RBFOX1: variants seen among roughly 807,000 people sequenced by gnomAD.
RBFOX1 encodes RNA binding fox-1 homolog 1, also known as RNA binding protein fox-1 homolog 1.
RBFOX1 carries 8 observed loss-of-function variants against 57.7 expected under a neutral mutation model. That is an observed-to-expected ratio of 0.14 (90% confidence interval 0.08 to 0.25). The LOEUF is 0.25. Among genes scored for constraint, RBFOX1 ranks in the 10% least tolerant of loss-of-function variants. The pLI is 1.00. For synonymous variants in RBFOX1, 326 were observed against 222.4 expected, an observed-to-expected ratio of 1.47 and a Z score of -4.15; for missense variants, 611 against 548.5, an observed-to-expected ratio of 1.11 and a Z score of -1.14.
chr16:6,144,884 T>C (rs1394254867), intron 1 of RBFOX1, among the ~76,000 whole-genome samples: 1 of 152,226 alleles, frequency 6.6e-6, no homozygotes, highest in Non-Finnish European at 1.5e-5. Flanking sequence ...CAGAATAGTT[T>C]GTCCACCTGT....
chr16:7,307,897 A>T (rs2096228931), intron 4 of RBFOX1, among the ~76,000 whole-genome samples: 1 of 152,212 alleles, frequency 6.6e-6, no homozygotes, highest in Non-Finnish European at 1.5e-5. Flanking sequence ...GAGTGGCTTC[A>T]TGCTGTGTCT....
At chr16:7,657,262 C>G (rs980027561) in intron 12 of RBFOX1, among the ~76,000 whole-genome samples, 7 of 152,152 alleles carry the variant, frequency 4.6e-5, no homozygotes, top group African/African-American at 1.7e-4. Context: ...GATAGTCACA[C>G]CAGTAGAGTC....
At chr16:5,572,511 A>G (rs1480869586) in intron 2 of RBFOX1, among the ~76,000 whole-genome samples, 2 of 152,188 alleles carry the variant, frequency 1.3e-5, no homozygotes, top group East Asian at 1.9e-4. Context: ...CACTGGATAC[A>G]TGGCAGCATC....
At chr16:7,620,150 T>C (rs1162498565) in intron 10 of RBFOX1, among the ~76,000 whole-genome samples, 1 of 152,254 alleles carries the variant, frequency 6.6e-6, no homozygotes, top group Non-Finnish European at 1.5e-5. Flanking sequence ...CAGAGCATCA[T>C]TGTTTTAGAT....
chr16:6,516,534 G>A (rs2096381837), intron 2 of RBFOX1, among the ~76,000 whole-genome samples: 2 of 152,096 alleles, frequency 1.3e-5, no homozygotes, highest in South Asian at 2.1e-4. Context: ...CAAACATAAG[G>A]CTTGTTAATT....
At chr16:6,964,773 C>G (rs146862895) in intron 3 of RBFOX1, among the ~76,000 whole-genome samples, 180 of 152,272 alleles carry the variant, frequency 1.2e-3, no homozygotes, top group African/African-American at 4.1e-3. Flanking sequence ...TTAAGAACTT[C>G]TCAGCAGGGC....
At chr16:6,933,310 G>T (rs971669927) in intron 3 of RBFOX1, among the ~76,000 whole-genome samples, 6 of 152,148 alleles carry the variant, frequency 3.9e-5, no homozygotes, top group Non-Finnish European at 5.9e-5. Flanking sequence ...TTTAGTAACC[G>T]ACATACTCTT....
intron 4 of RBFOX1, among the ~76,000 whole-genome samples, chr16:7,078,028 C>G (rs2058576040): frequency 6.6e-6 from 1 of 152,182 alleles, no homozygotes. Context: ...TCCATCACTG[C>G]TAAGACAGAC....
chr16:5,664,126 T>C (rs968842863), intron 3 of RBFOX1, among the ~76,000 whole-genome samples: 1 of 152,236 alleles, frequency 6.6e-6, no homozygotes, highest in African/African-American at 2.4e-5. Context: ...AGCTGCTGTG[T>C]CTGCTTCATC....
intron 3 of RBFOX1, among the ~76,000 whole-genome samples, chr16:5,835,972 A>T (rs932599500): frequency 6.6e-6 from 1 of 152,138 alleles, no homozygotes; most frequent in African/African-American, 2.4e-5. Flanking sequence ...GGAAGAAGAG[A>T]GCTCAGGAGG....
intron 3 of RBFOX1, among the ~76,000 whole-genome samples, chr16:6,876,355 A>T (rs879902143): frequency 5.3e-5 from 8 of 152,180 alleles, no homozygotes; most frequent in Non-Finnish European, 1.2e-4. Context: ...CCATCAAAGA[A>T]AAATAATATT....
At chr16:6,840,378 C>T (rs138599623) in intron 3 of RBFOX1, among the ~76,000 whole-genome samples, 1,737 of 152,238 alleles carry the variant, frequency 0.011, 26 homozygotes, top group African/African-American at 0.039. Context: ...AGGATTCCTG[C>T]GTTGGTTCCT....
intron 2 of RBFOX1, among the ~76,000 whole-genome samples, chr16:6,368,691 C>T (rs1464524808): frequency 6.6e-6 from 1 of 152,196 alleles, no homozygotes; most frequent in Admixed American, 6.5e-5. Context: ...ATTCACCATT[C>T]ATTGAACAAA....
chr16:7,281,523 C>G (rs188687754), intron 4 of RBFOX1, among the ~76,000 whole-genome samples: 2 of 152,058 alleles, frequency 1.3e-5, no homozygotes, highest in African/African-American at 4.8e-5. Context: ...CATACACACA[C>G]AAAGAGACCA....
intron 3 of RBFOX1, among the ~76,000 whole-genome samples, chr16:6,664,503 G>C (rs1044795603): frequency 6.6e-6 from 1 of 152,160 alleles, no homozygotes; most frequent in Non-Finnish European, 1.5e-5. Flanking sequence ...TGGGATCTTG[G>C]TAGGATGTGA....
At chr16:5,420,741 G>T (rs2067293352) in intron 1 of RBFOX1, among the ~76,000 whole-genome samples, 1 of 151,938 alleles carries the variant, frequency 6.6e-6, no homozygotes, top group Non-Finnish European at 1.5e-5. Flanking sequence ...TCACCATGTT[G>T]CCCAGGCTGG....
At chr16:7,438,301 A>C (rs963811070) in intron 4 of RBFOX1, among the ~76,000 whole-genome samples, 1 of 152,082 alleles carries the variant, frequency 6.6e-6, no homozygotes, top group African/African-American at 2.4e-5. Flanking sequence ...GGAGATTGTA[A>C]AGTGGATGTG....
chr16:6,577,681 G>A (rs1385770753), intron 2 of RBFOX1, among the ~76,000 whole-genome samples: 1 of 152,112 alleles, frequency 6.6e-6, no homozygotes, highest in East Asian at 1.9e-4. Flanking sequence ...TGGTCCCAGG[G>A]GAAGTCCACC....
At chr16:6,736,718 C>A (rs549701860) in intron 3 of RBFOX1, among the ~76,000 whole-genome samples, 1 of 152,218 alleles carries the variant, frequency 6.6e-6, no homozygotes, top group South Asian at 2.1e-4. Context: ...ACTTTTAGTT[C>A]CTTAATGAAT....
Sources: allele counts gnomAD v4.1 joint callset (sites outside exome capture counted in the v4.1 genomes callset), GRCh38; gene constraint gnomAD v4.1.1; transcripts MANE v1.5; gene names NCBI Gene and HGNC (gene_info 2026-07-23, HGNC 2026-07-21).